RBMS3: variants seen among roughly 807,000 people sequenced by gnomAD.
RBMS3 encodes the protein RNA-binding motif, single-stranded-interacting protein 3.
A neutral mutation model predicts 66.8 loss-of-function variants in RBMS3; 27 were observed. That is an observed-to-expected ratio of 0.40 (90% CI 0.30 to 0.56). The LOEUF (loss-of-function observed/expected upper bound fraction) is 0.56. RBMS3 is among the 20% of genes least tolerant of loss of function. The pLI is 0.40. For missense variants in RBMS3, 513 were observed against 549.5 expected, an observed-to-expected ratio of 0.93 and a Z score of 0.66; for synonymous variants, 188 against 183.0, an observed-to-expected ratio of 1.03 and a Z score of -0.22.
intron 3 of RBMS3, among the ~76,000 whole-genome samples, chr3:29,508,959 A>AGG (rs1429960484): frequency 2.0e-5 from 3 of 151,364 alleles, no homozygotes; most frequent in African/African-American, 7.3e-5. Flanking sequence ...AGTGATGATG[A>AGG]GCTTTTCTTC....
chr3:29,799,106 A>G (rs951981343), intron 6 of RBMS3, among the ~76,000 whole-genome samples: 12 of 152,172 alleles, frequency 7.9e-5, no homozygotes, highest in Non-Finnish European at 1.5e-4. Context: ...CACTTGGGAA[A>G]TAATGGTCAA....
intron 12 of RBMS3, among the ~76,000 whole-genome samples, chr3:29,959,869 A>C (rs372149541): frequency 6.6e-6 from 1 of 152,066 alleles, no homozygotes; most frequent in African/African-American, 2.4e-5. Flanking sequence ...CCATGATTCA[A>C]TTGTCTCCCA....
intron 12 of RBMS3, among the ~76,000 whole-genome samples, chr3:29,978,094 G>C (rs1259160945): frequency 2.6e-5 from 4 of 152,136 alleles, no homozygotes; most frequent in South Asian, 4.1e-4. Context: ...GTTTGTGCAG[G>C]CTGTATTATT....
At chr3:29,604,176 A>T (rs996436723) in intron 4 of RBMS3, among the ~76,000 whole-genome samples, 14 of 152,004 alleles carry the variant, frequency 9.2e-5, no homozygotes, top group Non-Finnish European at 2.1e-4. Flanking sequence ...ATTGCATTTT[A>T]AAAAATCAAT....
chr3:29,436,715 G>A (rs886992336), intron 2 of RBMS3, among the ~76,000 whole-genome samples: 7 of 152,144 alleles, frequency 4.6e-5, no homozygotes, highest in African/African-American at 1.4e-4. Context: ...TTAGGGAAAG[G>A]TTCTTTCTTA....
intron 1 of RBMS3, among the ~76,000 whole-genome samples, chr3:29,433,439 T>C (rs1189543344): frequency 1.3e-5 from 2 of 152,200 alleles, no homozygotes; most frequent in Non-Finnish European, 1.5e-5. Context: ...AGGTTGATAT[T>C]ACTACAAGAC....
At chr3:29,388,072 TAC>T (rs1362900185) in intron 1 of RBMS3, among the ~76,000 whole-genome samples, 1 of 125,882 alleles carries the variant, frequency 7.9e-6, no homozygotes, top group Non-Finnish European at 1.6e-5. Flanking sequence ...CCAAACTGTC[TAC>T]ACACACACAG....
chr3:29,338,761 GTTATTA>G (rs968751321), intron 1 of RBMS3, among the ~76,000 whole-genome samples: 2 of 130,758 alleles, frequency 1.5e-5, no homozygotes, highest in African/African-American at 2.8e-5. Context: ...TAAATAATTT[GTTATTA>G]TTATTATTAT....
chr3:29,861,568 T>C (rs1239810550), intron 6 of RBMS3, among the ~76,000 whole-genome samples: 2 of 152,218 alleles, frequency 1.3e-5, no homozygotes, highest in Non-Finnish European at 2.9e-5. Flanking sequence ...TTCTCATCAA[T>C]AGCATATTAA....
At chr3:29,509,047 G>T (rs9990294) in intron 3 of RBMS3, among the ~76,000 whole-genome samples, 13,966 of 144,594 alleles carry the variant, frequency 0.097, 1,077 homozygotes, top group East Asian at 0.36. Flanking sequence ...GATGGGGTTG[G>T]TTTTTTTTTT....
chr3:29,482,557 G>C (rs1248832222), intron 2 of RBMS3, among the ~76,000 whole-genome samples: 1 of 152,012 alleles, frequency 6.6e-6, no homozygotes, highest in Non-Finnish European at 1.5e-5. Flanking sequence ...GTTTTCTTTG[G>C]ACTTTGTTTC....
intron 4 of RBMS3, among the ~76,000 whole-genome samples, chr3:29,728,372 A>T (rs931469967): frequency 6.6e-6 from 1 of 152,204 alleles, no homozygotes; most frequent in Non-Finnish European, 1.5e-5. Context: ...TTAAAATAAC[A>T]TCTAAAGAAA....
chr3:29,993,624 A>G (rs957827234), intron 14 of RBMS3, among the ~76,000 whole-genome samples: 34 of 152,194 alleles, frequency 2.2e-4, no homozygotes, highest in Non-Finnish European at 3.1e-4. Flanking sequence ...ACCTCTCATG[A>G]ATGAAGAAGA....
chr3:29,714,741 C>T (rs1273571145), intron 4 of RBMS3, among the ~76,000 whole-genome samples: 2 of 109,978 alleles, frequency 1.8e-5, no homozygotes, highest in Non-Finnish European at 3.7e-5. Context: ...TGCATGTGCA[C>T]ACATGTACAC....
chr3:29,755,101 T>C (rs1252876668), intron 5 of RBMS3, among the ~76,000 whole-genome samples: 3 of 152,216 alleles, frequency 2.0e-5, no homozygotes, highest in African/African-American at 4.8e-5. Flanking sequence ...TCCAGAGTCA[T>C]TAATGGTATG....
At chr3:29,826,422 C>T (rs1300089144) in intron 6 of RBMS3, among the ~76,000 whole-genome samples, 2 of 152,118 alleles carry the variant, frequency 1.3e-5, no homozygotes, top group African/African-American at 2.4e-5. Context: ...CTCTTCTTAT[C>T]GCCATCTATT....
intron 4 of RBMS3, among the ~76,000 whole-genome samples, chr3:29,620,108 C>T (rs964010791): frequency 2.0e-5 from 3 of 152,102 alleles, no homozygotes; most frequent in African/African-American, 7.2e-5. Flanking sequence ...GGATAGCTTA[C>T]AGTTCCAGAA....
At chr3:29,704,703 T>C (rs1209416017) in intron 4 of RBMS3, among the ~76,000 whole-genome samples, 2 of 152,370 alleles carry the variant, frequency 1.3e-5, no homozygotes, top group South Asian at 2.1e-4. Flanking sequence ...TTTTAAATGT[T>C]GATACTAGTT....
intron 4 of RBMS3, among the ~76,000 whole-genome samples, chr3:29,624,731 G>A (rs1425198164): frequency 6.6e-6 from 1 of 151,974 alleles, no homozygotes; most frequent in African/African-American, 2.4e-5. Flanking sequence ...AGCATAAATA[G>A]GTATAAACAT....
Sources: gnomAD v4.1 joint callset for allele counts (sites outside exome capture counted in the v4.1 genomes callset) on GRCh38, gnomAD v4.1.1 for gene constraint, MANE v1.5 for transcripts, NCBI Gene and HGNC (gene_info 2026-07-23, HGNC 2026-07-21) for gene names.